TPTE: variants seen among roughly 807,000 people sequenced by gnomAD.
TPTE encodes the protein putative tyrosine-protein phosphatase TPTE.
TPTE carries 59 observed loss-of-function variants against 84.1 expected under a neutral mutation model. The observed-to-expected ratio is 0.70, with a 90% confidence interval of 0.57 to 0.87. TPTE has a LOEUF of 0.87. Ranked by LOEUF, TPTE falls within the 40% of genes least tolerant of loss-of-function variation. The pLI is 0.00. For synonymous variants in TPTE, 130 were observed against 223.5 expected, an observed-to-expected ratio of 0.58 and a Z score of 3.73; for missense variants, 382 against 659.6, an observed-to-expected ratio of 0.58 and a Z score of 4.61.
At chr21:10,567,981 G>A (rs1318738685) in intron 11 of TPTE, among the ~76,000 whole-genome samples, 192 bp downstream of exon 11, 1 of 152,310 alleles carries the variant, frequency 6.6e-6, no homozygotes, top group African/African-American at 2.4e-5. Context: ...AGGGACCGGT[G>A]AAGAGTATAC....
rs376634375 is a variant in TPTE at position 10,548,011 on chromosome 21, C to T, written c.173+4629C>T. Among the ~76,000 whole-genome samples the T allele has an allele frequency of 6.6e-5, 10 of 152,422 alleles. No homozygotes were observed. The Middle Eastern group carries it at 0.01, about 156-fold the overall frequency. On this transcript the variant is annotated intron_variant, in intron 7 of 23. Coordinates refer to ENST00000618007, the MANE Select transcript of TPTE (RefSeq NM_199261.4). ...GCTCAGGACCTGAGAAACAGCCTTG[C>T]GGGCCCCATCAACCACAGACATGCT...
chr21:10,548,029 G>A (rs1444981099), intron 7 of TPTE, among the ~76,000 whole-genome samples: 1 of 152,308 alleles, frequency 6.6e-6, no homozygotes, highest in Non-Finnish European at 1.5e-5. Context: ...ATCAACCACA[G>A]ACATGCTCCT....
intron 10 of TPTE, among the ~76,000 whole-genome samples, chr21:10,566,360 A>C (rs1226364070): frequency 3.3e-5 from 5 of 152,306 alleles, no homozygotes; most frequent in Non-Finnish European, 7.3e-5. Flanking sequence ...GCAATAACAA[A>C]TCCTGACAAA....
At chr21:10,530,480 A>G (rs1200180702) in intron 3 of TPTE, among the ~76,000 whole-genome samples, 5 of 152,308 alleles carry the variant, frequency 3.3e-5, no homozygotes, top group African/African-American at 7.2e-5. Context: ...AGTTTTTTGC[A>G]TAGTAACATA....
At chr21:10,601,989 A>C in intron 21 of TPTE, 69 bp from the exon 22 acceptor site, 1 of 1,519,114 alleles carries the variant, frequency 6.6e-7, no homozygotes, top group Non-Finnish European at 9.1e-7. Flanking sequence ...AGTCATGATA[A>C]GTGAAAAGGA....
chr21:10,597,294 T>G (rs1242465186), intron 20 of TPTE, among the ~76,000 whole-genome samples: 8 of 152,276 alleles, frequency 5.3e-5, no homozygotes, highest in African/African-American at 1.7e-4. Flanking sequence ...AGGGCCAAAG[T>G]ACTTAAACGA....
At chr21:10,568,131 G>C (rs1375690521) in intron 11 of TPTE, among the ~76,000 whole-genome samples, 1 of 152,308 alleles carries the variant, frequency 6.6e-6, no homozygotes, top group African/African-American at 2.4e-5. Flanking sequence ...TTTTGGCTAA[G>C]ATCAAGTATA....
At chr21:10,524,402 C>T (rs139590092) in intron 1 of TPTE, among the ~76,000 whole-genome samples, 178 bp from the exon 2 acceptor site, 429 of 152,192 alleles carry the variant, frequency 2.8e-3, no homozygotes, top group African/African-American at 9.7e-3. Context: ...GGGGGACAAC[C>T]CGTGGGTGTA....
At chr21:10,573,519 G>A (rs1292084215) in intron 14 of TPTE, among the ~76,000 whole-genome samples, 1 of 152,312 alleles carries the variant, frequency 6.6e-6, no homozygotes, top group Non-Finnish European at 1.5e-5. Flanking sequence ...GTGCTGTAGG[G>A]TGACTACAGT....
chr21:10,550,111 C>T (rs536427560), intron 7 of TPTE, among the ~76,000 whole-genome samples: 1 of 152,264 alleles, frequency 6.6e-6, no homozygotes, highest in African/African-American at 2.4e-5. Flanking sequence ...CATAGATAAA[C>T]AAAAACCAAG....
intron 2 of TPTE, among the ~76,000 whole-genome samples, chr21:10,525,400 C>T (rs469868): frequency 2.0e-5 from 3 of 152,102 alleles, no homozygotes; most frequent in African/African-American, 4.8e-5. Context: ...TCTCCAGGAA[C>T]GTTTAGGAAG....
At chr21:10,601,898 G>T (rs1234443364) in intron 21 of TPTE, among the ~76,000 whole-genome samples, 160 bp from the exon 22 acceptor site, 20 of 152,364 alleles carry the variant, frequency 1.3e-4, no homozygotes, top group South Asian at 8.3e-4. Context: ...CAACAGTATT[G>T]CAACTAGAAG....
chr21:10,603,340 C>T (rs1487984908), intron 22 of TPTE, among the ~76,000 whole-genome samples: 1 of 152,310 alleles, frequency 6.6e-6, no homozygotes, highest in South Asian at 2.1e-4. Context: ...AAATACTATT[C>T]CTTGAAAATT....
intron 22 of TPTE, among the ~76,000 whole-genome samples, chr21:10,603,200 C>CA (rs372470631): frequency 3.3e-5 from 5 of 152,296 alleles, no homozygotes; most frequent in African/African-American, 4.8e-5. Flanking sequence ...GCTGAGGCAA[C>CA]AAAAAAATTA....
intron 7 of TPTE, among the ~76,000 whole-genome samples, chr21:10,545,001 T>G (rs4041802): frequency 0.017 from 2,596 of 151,308 alleles, no homozygotes; most frequent in African/African-American, 0.061. Flanking sequence ...TTCAAATAAA[T>G]AACTGATTAA....
intron 19 of TPTE, among the ~76,000 whole-genome samples, chr21:10,594,253 C>T (rs1390753358): frequency 1.3e-5 from 2 of 152,310 alleles, no homozygotes; most frequent in Non-Finnish European, 2.9e-5. Context: ...TGCTCATGCC[C>T]CTTTTCCTAG....
chr21:10,556,440 CATT>C (rs2074685728), intron 8 of TPTE, among the ~76,000 whole-genome samples: 1 of 152,306 alleles, frequency 6.6e-6, no homozygotes. Flanking sequence ...TCCAGTCTAT[CATT>C]GTTGGACATT....
At chr21:10,547,296 G>A (rs1273368406) in intron 7 of TPTE, among the ~76,000 whole-genome samples, 15 of 152,308 alleles carry the variant, frequency 9.8e-5, no homozygotes, top group Non-Finnish European at 1.8e-4. Flanking sequence ...CTGGAGTGCA[G>A]CAAAGGAGTG....
chr21:10,602,964 A>G (rs1361886843), intron 22 of TPTE, among the ~76,000 whole-genome samples: 37 of 152,342 alleles, frequency 2.4e-4, no homozygotes, highest in African/African-American at 8.7e-4. Context: ...AGAGGTGGTC[A>G]CTGATATATC....
Sources: allele counts gnomAD v4.1 joint callset (sites outside exome capture counted in the v4.1 genomes callset), GRCh38; gene constraint gnomAD v4.1.1; transcripts MANE v1.5; gene names NCBI Gene and HGNC (gene_info 2026-07-23, HGNC 2026-07-21).